Variants in PLPP1 observed in about 807,000 individuals in gnomAD.
PLPP1 encodes phospholipid phosphatase 1, also known as lipid phosphate phosphohydrolase 1a.
A neutral mutation model predicts 31.2 loss-of-function variants in PLPP1; 24 were observed. That is an observed-to-expected ratio of 0.77 (90% confidence interval 0.56 to 1.08). The LOEUF (loss-of-function observed/expected upper bound fraction) is 1.08, where lower values mean the gene tolerates loss of function less well. PLPP1 is among the 50% of genes least tolerant of loss of function. PLPP1 has a pLI of 0.00. For missense variants in PLPP1, 319 were observed against 342.7 expected (o/e 0.93, Z 0.55); for synonymous variants, 146 against 126.3 (o/e 1.16, Z -1.05).
intron 1 of PLPP1, among the ~76,000 whole-genome samples, chr5:55,483,941 TG>T (rs1752723534): frequency 6.6e-6 from 1 of 152,214 alleles, no homozygotes; most frequent in South Asian, 2.1e-4. Context: ...TCTTCTACGA[TG>T]AGCTACTAAC....
intron 2 of PLPP1, 144 bp from the exon 3 acceptor site, chr5:55,468,293 T>A (rs1579944686): frequency 1.4e-6 from 1 of 702,084 alleles, no homozygotes; most frequent in East Asian, 2.8e-5. Flanking sequence ...TTCTTTACAA[T>A]GGAGAGTCAA....
intron 3 of PLPP1, among the ~76,000 whole-genome samples, chr5:55,448,641 T>A (rs1474701720): frequency 6.6e-6 from 1 of 151,926 alleles, no homozygotes; most frequent in South Asian, 2.1e-4. Context: ...AGAGATGGAG[T>A]TTCACCATGC....
At chr5:55,493,799 G>A (rs1264929800) in intron 1 of PLPP1, among the ~76,000 whole-genome samples, 2 of 151,192 alleles carry the variant, frequency 1.3e-5, no homozygotes, top group Non-Finnish European at 2.9e-5. Flanking sequence ...AGAATCACTT[G>A]AACCTGGGAG....
intron 1 of PLPP1, among the ~76,000 whole-genome samples, chr5:55,490,610 T>C (rs777410078): frequency 5.3e-5 from 8 of 152,204 alleles, no homozygotes; most frequent in Non-Finnish European, 8.8e-5. Flanking sequence ...TAATCTTAGT[T>C]TCAGCTCTGC....
Position 55,467,899 on chromosome 5 carries a change from C to T in PLPP1, c.461G>A (p.Arg154Gln). The change falls in exon 3 of 6, where the codon CGA becomes CAA. Residue 154 changes from arginine (R) to glutamine (Q), a missense_variant. By Grantham distance (43) the Arg-to-Gln change is conservative. Coordinates refer to ENST00000307259, the MANE Select transcript of PLPP1 (RefSeq NM_003711.4). ...SDGYIEYYIC[R>Q]GNAERVKEGR... The stretch of plus-strand genomic sequence containing the variant: ...TTCCTTAACTCTTTCTGCATTCCCT[C>T]GACATATGTAGTATTCAATGTAACC... The T allele has an allele frequency of 1.2e-6, 2 of 1,613,244 alleles. No homozygotes were observed. The highest frequency in any genetic ancestry group is 1.7e-4 in the Middle Eastern group (1 of 6,056).
At chr5:55,447,227 T>C (rs368346157) in intron 3 of PLPP1, among the ~76,000 whole-genome samples, 1 of 152,282 alleles carries the variant, frequency 6.6e-6, no homozygotes, top group East Asian at 1.9e-4. Context: ...TGAAATGCTA[T>C]CTAAAATCAG....
At chr5:55,521,375 G>C (rs1753664036) in intron 1 of PLPP1, among the ~76,000 whole-genome samples, 1 of 149,758 alleles carries the variant, frequency 6.7e-6, no homozygotes, top group African/African-American at 2.5e-5. Flanking sequence ...AAATTGGCCA[G>C]GCATGGTGGT....
intron 1 of PLPP1, among the ~76,000 whole-genome samples, chr5:55,519,556 C>G (rs899639282): frequency 1.3e-4 from 20 of 152,020 alleles, no homozygotes; most frequent in Non-Finnish European, 2.5e-4. Context: ...CAAGACCACC[C>G]TGGCCCACAT....
intron 1 of PLPP1, among the ~76,000 whole-genome samples, chr5:55,485,426 T>C (rs1447190021): frequency 1.3e-5 from 2 of 152,096 alleles, no homozygotes; most frequent in Non-Finnish European, 2.9e-5. Flanking sequence ...GGACAAGGAG[T>C]GAAGTTTGAT....
intron 3 of PLPP1, among the ~76,000 whole-genome samples, chr5:55,443,890 T>G (rs1275692947): frequency 6.6e-6 from 1 of 152,228 alleles, no homozygotes; most frequent in African/African-American, 2.4e-5. Context: ...TATGGTCTTT[T>G]ATTTCTATTA....
chr5:55,505,087 A>T (rs1302754435), intron 1 of PLPP1, among the ~76,000 whole-genome samples: 3 of 152,140 alleles, frequency 2.0e-5, no homozygotes, highest in Non-Finnish European at 4.4e-5. Flanking sequence ...CTAGAATTAC[A>T]GGTGTGAGCC....
intron 2 of PLPP1, among the ~76,000 whole-genome samples, chr5:55,473,533 A>G (rs1752467332): frequency 6.6e-6 from 1 of 152,172 alleles, no homozygotes; most frequent in Non-Finnish European, 1.5e-5. Context: ...GACATTTCTA[A>G]ATTAAGAAGC....
intron 1 of PLPP1, chr5:55,484,326 G>A (rs1410801594): frequency 1.3e-5 from 2 of 151,946 alleles, no homozygotes; most frequent in Non-Finnish European, 2.9e-5. Flanking sequence ...TCTCCTTGTT[G>A]TAGTTAGAGT....
At chr5:55,489,714 A>G (rs1752847743) in intron 1 of PLPP1, among the ~76,000 whole-genome samples, 1 of 152,204 alleles carries the variant, frequency 6.6e-6, no homozygotes, top group African/African-American at 2.4e-5. Context: ...TATTATTCTT[A>G]GCCAATTTGG....
chr5:55,534,748 AG>A lies in PLPP1; in HGVS notation c.-120del. 1 of 1,093,874 alleles carries A rather than the reference AG, an allele frequency of 9.1e-7. No homozygotes were observed. Among genetic ancestry groups the A allele is most frequent in the Admixed American group, 2.9e-5 (1 of 34,934 alleles). 67.8% of individuals were successfully genotyped at this position (1,093,874 alleles called of 1,614,324 possible). On this transcript the variant is annotated 5_prime_UTR_variant, in exon 1 of 6. Coordinates refer to ENST00000307259, the MANE Select transcript of PLPP1 (RefSeq NM_003711.4). ...ACGGCCCCGAGCTACGGCCCCTCCC[AG>A]CCGGAGGAGGAGAGCAGCCGAGGGC... is the stretch of plus-strand genomic sequence containing the variant.
At chr5:55,514,754 C>T (rs1299303651) in intron 1 of PLPP1, among the ~76,000 whole-genome samples, 1 of 152,192 alleles carries the variant, frequency 6.6e-6, no homozygotes. Context: ...GTTATTATTG[C>T]AGTAGCAAAT....
chr5:55,518,747 T>A (rs955328868), intron 1 of PLPP1, among the ~76,000 whole-genome samples: 1 of 152,254 alleles, frequency 6.6e-6, no homozygotes, highest in African/African-American at 2.4e-5. Flanking sequence ...CTTGTCTTAC[T>A]ACCTGAATCC....
chr5:55,486,360 G>A (rs1186239686), intron 1 of PLPP1, among the ~76,000 whole-genome samples: 4 of 151,724 alleles, frequency 2.6e-5, no homozygotes, highest in African/African-American at 9.7e-5. Context: ...CGAGGTGGGT[G>A]GATTGCTTGA....
At chr5:55,510,995 GCT>G (rs369883756) in intron 1 of PLPP1, among the ~76,000 whole-genome samples, 1,759 of 152,226 alleles carry the variant, frequency 0.012, 20 homozygotes, top group Middle Eastern at 0.02. Flanking sequence ...CACAACCCCT[GCT>G]CTCTTTCCGA....
Sources: gnomAD v4.1 joint callset for allele counts (sites outside exome capture counted in the v4.1 genomes callset) on GRCh38, gnomAD v4.1.1 for gene constraint, MANE v1.5 for transcripts, NCBI Gene and HGNC (gene_info 2026-07-23, HGNC 2026-07-21) for gene names.